Variants in PLG observed in about 807,000 individuals in gnomAD.
PLG encodes plasminogen.
A neutral mutation model predicts 104.4 loss-of-function variants in PLG; 41 were observed. That is an observed-to-expected ratio of 0.39 (90% CI 0.31 to 0.51). The LOEUF is 0.51. Among genes scored for constraint, PLG ranks in the 20% least tolerant of loss-of-function variants. The pLI is 0.76. For synonymous variants in PLG, 337 were observed against 357.1 expected, an observed-to-expected ratio of 0.94 and a Z score of 0.63; for missense variants, 891 against 1,003.6, an observed-to-expected ratio of 0.89 and a Z score of 1.52.
At chr6:160,708,749 T>G (rs1562371548) in intron 3 of PLG, 1 of 152,216 alleles carries the variant, frequency 6.6e-6, no homozygotes, top group South Asian at 2.1e-4. Flanking sequence ...AGTAGCATTT[T>G]AAATAGTATT....
intron 3 of PLG, chr6:160,708,461 G>C (rs1230778433): frequency 6.6e-6 from 1 of 152,434 alleles, no homozygotes; most frequent in African/African-American, 2.4e-5. Context: ...TTTTAGATGT[G>C]CAAATGTTTC....
intron 4 of PLG, among the ~76,000 whole-genome samples, chr6:160,712,697 A>G (rs1777665786): frequency 6.6e-6 from 1 of 152,188 alleles, no homozygotes; most frequent in Non-Finnish European, 1.5e-5. Context: ...ATGAATTAAG[A>G]CCATGGCAGC....
rs992930811 is a variant in PLG, at chr6:160,726,092, A to ATG, written c.1256+3527_1256+3528dup. 2.0e-4 allele frequency among the ~76,000 whole-genome samples: 30 copies of ATG among 152,240 alleles called. No homozygotes were observed. Among genetic ancestry groups the ATG allele is most frequent in the Non-Finnish European group, 4.1e-4 (28 of 67,950 alleles). On this transcript the variant is annotated intron_variant, in intron 10 of 18. Transcript: ENST00000308192. The surrounding 1 kb of genome is among the most constrained non-coding windows in gnomAD (Gnocchi z 4.4). ...CACAAAAAAATCAGAAAGAATATATATGTTTTAAAGGAAATTGTCAACCTA... is the reference window on the plus strand; with the variant it reads ...CACAAAAAAATCAGAAAGAATATATATGTGTTTTAAAGGAAATTGTCAACCTA...
chr6:160,707,906 G>A, intron 3 of PLG, 100 bp downstream of exon 3: 1 of 1,035,438 alleles, frequency 9.7e-7, no homozygotes, highest in South Asian at 1.3e-5. Context: ...AGAGGAGGAA[G>A]GCACTATCGT....
rs1778245089 is a variant in PLG, at chr6:160,744,335, G to T, written c.2125+2918G>T. 6.6e-6 allele frequency among the ~76,000 whole-genome samples: 1 copy of T among 152,036 alleles called. No homozygotes were observed. Among genetic ancestry groups the T allele is most frequent in the Non-Finnish European group, 1.5e-5 (1 of 68,008 alleles). ...GCTATTTATTACTGATTCAATTTTGGAGCTCATTATTGTTCTGTTCAGGGA... is the reference window on the plus strand; with the variant it reads ...GCTATTTATTACTGATTCAATTTTGTAGCTCATTATTGTTCTGTTCAGGGA... On this transcript the variant is annotated intron_variant, in intron 17 of 18. Transcript: ENST00000308192. The surrounding 1 kb of genome is among the most constrained non-coding windows in gnomAD (Gnocchi z 4.5).
chr6:160,711,607 A>G, intron 4 of PLG: 3 of 1,610,258 alleles, frequency 1.9e-6, no homozygotes, highest in Admixed American at 3.3e-5. Flanking sequence ...TTTGATGTCG[A>G]TGTTCAACTA....
rs1029237336 is a variant in PLG, at chr6:160,702,496, A to C, written c.49+143A>C. 2.1e-5 allele frequency: 24 copies of C among 1,165,120 alleles called. No individual in the cohort carries two copies. The African/African-American group carries it at 3.6e-4, about 17-fold the overall frequency. The allele number at this position is 1,165,120 out of a possible 1,614,324, so 72.2% of individuals were successfully genotyped here. ...TTGAAAATCTTGTATAAGATTGAGG[A>C]ATTCTTCAAGAAATAAGTTTAAGTT... On this transcript the variant is annotated intron_variant, in intron 1 of 18. Coordinates refer to ENST00000308192, the MANE Select transcript of PLG (RefSeq NM_000301.5).
chr6:160,725,209 AAAACAAACAAAC>A lies in PLG; in HGVS notation c.1256+2658_1256+2669del, dbSNP rs369053548. On this transcript the variant is annotated intron_variant, in intron 10 of 18. Coordinates refer to ENST00000308192, the MANE Select transcript of PLG (RefSeq NM_000301.5). This position sits in a 1 kb window ranked among gnomAD's most constrained non-coding sequence, Gnocchi z 6.3. ...CAACCTGGGTGACAGAGCGAGACTC[AAAACAAACAAAC>A]AAACAAACAAACAAAAAGATAATAA... is the stretch of plus-strand genomic sequence containing the variant. 3.9e-5 allele frequency among the ~76,000 whole-genome samples: 6 copies of A among 152,036 alleles called. No individual in the cohort carries two copies. The highest frequency in any genetic ancestry group is 1.4e-4 in the African/African-American group (6 of 41,406).
intron 9 of PLG, 43 bp from the exon 10 acceptor site, chr6:160,722,365 T>C (rs762821111): frequency 4.0e-6 from 6 of 1,509,564 alleles, no homozygotes; most frequent in East Asian, 4.5e-5. Flanking sequence ...GCTTCTTTTT[T>C]TTCAGTAATT....
chr6:160,747,540 C>G (rs1164928786), intron 17 of PLG, among the ~76,000 whole-genome samples: 6 of 152,226 alleles, frequency 3.9e-5, no homozygotes, highest in African/African-American at 9.6e-5. Flanking sequence ...CCACTCAGCT[C>G]TAACCCCTCA....
chr6:160,708,527 C>T (rs551738292), intron 3 of PLG: 1 of 152,314 alleles, frequency 6.6e-6, no homozygotes, highest in South Asian at 2.1e-4. Flanking sequence ...TAAGCATATC[C>T]CATCAAGTAT....
Position 160,739,030 on chromosome 6 carries a change from G to A in PLG, c.1878-38G>A. On this transcript the variant is annotated intron_variant, in intron 15 of 18. Coordinates refer to ENST00000308192, the MANE Select transcript of PLG (RefSeq NM_000301.5). The surrounding 1 kb of genome is among the most constrained non-coding windows in gnomAD (Gnocchi z 4.4). ...GGCACAGAGGTTACCTGAAGGGGCT[G>A]GACCATATTTTCCTCTTGACGTCCT... 6.2e-7 allele frequency: 1 copy of A among 1,613,174 alleles called. No homozygotes were observed. The highest frequency in any genetic ancestry group is 1.1e-5 in the South Asian group (1 of 91,034).
Position 160,716,718 on chromosome 6 carries a change from A to G in PLG, c.742A>G (p.Thr248Ala). The G allele has an allele frequency of 1.2e-6, 2 of 1,613,410 alleles. No individual in the cohort carries two copies. The highest frequency in any genetic ancestry group is 1.7e-6 in the Non-Finnish European group (2 of 1,179,308). Residue 248 changes from threonine to alanine, a missense_variant, in exon 7 of 19, where the codon ACC becomes GCC. Thr to Ala is a moderately conservative substitution (Grantham distance 58). Around this residue, in one of 2 missense-constraint regions of PLG, gnomAD observed 854 missense variants for 932.1 expected, o/e 0.92. Transcript: ENST00000308192. ...DRELRPWCFT[T>A]DPNKRWELCD... ...GGAGCTGCGGCCTTGGTGTTTCACC[A>G]CCGACCCCAACAAGCGCTGGGAACT...
At chr6:160,714,328 CT>C (rs2115159604) in intron 5 of PLG, among the ~76,000 whole-genome samples, 1 of 152,282 alleles carries the variant, frequency 6.6e-6, no homozygotes, top group South Asian at 2.1e-4. Flanking sequence ...GACTAAAACC[CT>C]GAGACGGTGC....
rs1333908716 is a variant in PLG at position 160,753,780 on chromosome 6, A to G, written c.*719A>G. Among the ~76,000 whole-genome samples, 2 of 152,190 alleles carry G rather than the reference A, an allele frequency of 1.3e-5. No homozygotes were observed. The highest frequency in any genetic ancestry group is 2.9e-5 in the Non-Finnish European group (2 of 68,032). On this transcript the variant is annotated 3_prime_UTR_variant, in exon 19 of 19. Transcript: ENST00000308192. This position sits in a 1 kb window ranked among gnomAD's most constrained non-coding sequence, Gnocchi z 5.4. ...AACAAGCAAATATTGAAGGTGGACCACTTATTTCCCATTGCTAATTGCCTG... is the reference window on the plus strand; with the variant it reads ...AACAAGCAAATATTGAAGGTGGACCGCTTATTTCCCATTGCTAATTGCCTG...
At position 160,740,828 on chromosome 6, in the gene PLG, T is replaced by C. The variant is rs908567053; in HGVS notation, c.2019-483T>C. Among the ~76,000 whole-genome samples, 2 of 152,206 alleles carry C rather than the reference T, an allele frequency of 1.3e-5. No individual in the cohort carries two copies. The highest frequency in any genetic ancestry group is 2.9e-5 in the Non-Finnish European group (2 of 68,046). On this transcript the variant is annotated intron_variant, in intron 16 of 18. Transcript: ENST00000308192. The surrounding 1 kb of genome is among the most constrained non-coding windows in gnomAD (Gnocchi z 5.2). ...AAGTATTTTACTGGATTCTTACAAC[T>C]ATGGCGTAGTAACATTCACTGAGGA...
In PLG at chr6:160,753,965, C is replaced by T. The variant is rs1399344410; in HGVS notation, c.*904C>T. ...CCATTCAAAATACAATTTAACAATG[C>T]AACAGTCATCTTACAGCAGAGAAAT... On this transcript the variant is annotated 3_prime_UTR_variant, in exon 19 of 19. Coordinates refer to ENST00000308192, the MANE Select transcript of PLG (RefSeq NM_000301.5). The surrounding 1 kb of genome is among the most constrained non-coding windows in gnomAD (Gnocchi z 5.4). Among the ~76,000 whole-genome samples the T allele has an allele frequency of 6.6e-6, 1 of 152,168 alleles. No individual in the cohort carries two copies. Among genetic ancestry groups the T allele is most frequent in the Admixed American group, 6.5e-5 (1 of 15,272 alleles).
At position 160,714,752 on chromosome 6, in the gene PLG, G is replaced by C; in HGVS notation, c.548-42G>C. On this transcript the variant is annotated intron_variant, in intron 5 of 18. Coordinates refer to ENST00000308192, the MANE Select transcript of PLG (RefSeq NM_000301.5). ...TCTCTATTTTGCTTCATCCATTTCA[G>C]TTTTCTTCTTCCTCTCTGTCCTTCC... 3 of 1,609,678 alleles carry C rather than the reference G, an allele frequency of 1.9e-6. No homozygotes were observed. The East Asian group carries it at 6.7e-5, about 36-fold the overall frequency.
rs546270317 is a variant in PLG, at chr6:160,716,079, T to C, written c.669-566T>C. ...CTTCAAGGCTGGTGGGAGCAGAGCCTGGTAGACCAGAAGGACCATTCCTTT... is the reference window on the plus strand; with the variant it reads ...CTTCAAGGCTGGTGGGAGCAGAGCCCGGTAGACCAGAAGGACCATTCCTTT... On this transcript the variant is annotated intron_variant, in intron 6 of 18. Transcript: ENST00000308192. Among the ~76,000 whole-genome samples the C allele has an allele frequency of 1.4e-3, 211 of 152,352 alleles. 1 individual carries two copies. Among genetic ancestry groups the C allele is most frequent in the African/African-American group, 5.0e-3 (209 of 41,580 alleles).
Sources: gnomAD v4.1 joint callset for allele counts (sites outside exome capture counted in the v4.1 genomes callset) on GRCh38, gnomAD v4.1.1 for gene constraint, gnomAD v4.1.1 regional missense constraint, Gnocchi (gnomAD v3.1) non-coding constraint, MANE v1.5 for transcripts, NCBI Gene and HGNC (gene_info 2026-07-23, HGNC 2026-07-21) for gene names.